The following BRD4 variants were observed in gnomAD, a reference collection of about 807,000 sequenced individuals.
BRD4 encodes bromodomain-containing protein 4.
In BRD4, 16 loss-of-function variants were observed where a neutral mutation model predicts 142.1. The observed-to-expected ratio is 0.11, with a 90% CI of 0.08 to 0.17. The LOEUF is 0.17. Among genes scored for constraint, BRD4 ranks in the 10% least tolerant of loss-of-function variants. The pLI, the probability that BRD4 is intolerant of heterozygous loss-of-function variation, is 1.00. For missense variants in BRD4, 1,424 were observed against 1,810.9 expected, an observed-to-expected ratio of 0.79 and a Z score of 3.88; for synonymous variants, 833 against 707.5, an observed-to-expected ratio of 1.18 and a Z score of -2.82.
intron 1 of BRD4, among the ~76,000 whole-genome samples, chr19:15,307,761 G>A (rs1364893746): frequency 2.0e-5 from 3 of 152,088 alleles, no homozygotes; most frequent in African/African-American, 7.2e-5. Flanking sequence ...CACTACGTTT[G>A]GCATCAGTGT....
chr19:15,314,025 G>A (rs2047996265), intron 1 of BRD4, among the ~76,000 whole-genome samples: 3 of 152,150 alleles, frequency 2.0e-5, no homozygotes, highest in South Asian at 2.1e-4. Context: ...CTGAACCATC[G>A]ATAGGGGATA....
intron 1 of BRD4, among the ~76,000 whole-genome samples, chr19:15,324,399 A>G (rs2048090485): frequency 1.3e-5 from 2 of 152,348 alleles, no homozygotes; most frequent in East Asian, 1.9e-4. Context: ...CCGGATCCCA[A>G]TGACGCCTAG....
rs1218250121 is a variant in BRD4 at position 15,272,731 on chromosome 19, TC to T, written c.285+83del. The T allele has an allele frequency of 2.5e-5, 33 of 1,330,098 alleles. 1 individual carries two copies. Among genetic ancestry groups the T allele is most frequent in the African/African-American group, 1.6e-4 (11 of 68,444 alleles). 82.4% of individuals were successfully genotyped at this position (1,330,098 alleles called of 1,614,324 possible). ...ATGATTCCAAATGCATCTCCTACCC[TC>T]CCCCCAGGAACTGCCCTGACCAGGA... On this transcript the variant is annotated intron_variant, in intron 2 of 19. Coordinates refer to ENST00000679869, the MANE Select transcript of BRD4 (RefSeq NM_001379291.1).
rs1330924461 is a variant in BRD4 at position 15,265,637 on chromosome 19, G to A, written c.566C>T (p.Ala189Val). 1.2e-6 allele frequency: 2 copies of A among 1,613,994 alleles called. No individual in the cohort carries two copies. The highest frequency in any genetic ancestry group is 2.7e-5 in the African/African-American group (2 of 74,888). Residue 189 changes from alanine to valine, a missense_variant, in exon 5 of 20, where the codon GCA becomes GTA. Physicochemically the swap from Ala to Val is moderately conservative, Grantham distance 64 (BLOSUM62 0). Around this residue, in one of 16 missense-constraint regions of BRD4, gnomAD observed 140 missense variants for 131.7 expected, o/e 1.06. Coordinates refer to ENST00000679869, the MANE Select transcript of BRD4 (RefSeq NM_001379291.1). ...RGRGRKETGT[A>V]KPGVSTVPNT... is the part of the protein sequence containing the mutation. ...TGGTACCGTGGAAACGCCAGGTTTT[G>A]CTGTCCCTACAAATCATAATAAGAC... is the stretch of plus-strand genomic sequence containing the variant.
intron 10 of BRD4, 52 bp from the exon 11 acceptor site, chr19:15,254,314 C>G (rs559528750): frequency 1.5e-5 from 22 of 1,483,660 alleles, no homozygotes; most frequent in Admixed American, 3.4e-5. Context: ...CCCAGGAAGC[C>G]GCTCTAAGCC....
In BRD4 at chr19:15,239,776, C is replaced by G; in HGVS notation, c.3328G>C (p.Val1110Leu). 2 of 1,612,230 alleles carry G rather than the reference C, an allele frequency of 1.2e-6. No individual in the cohort carries two copies. The highest frequency in any genetic ancestry group is 1.7e-6 in the Non-Finnish European group (2 of 1,179,762). The change falls in exon 16 of 20, where the codon GTG (valine) becomes CTG (leucine). Residue 1110 changes from valine (V) to leucine (L), a missense_variant. By Grantham distance (32) the Val-to-Leu change is conservative. This residue lies in a region of BRD4 where 598 missense variants were observed against 647.8 expected (regional missense o/e 0.92). Coordinates refer to ENST00000679869, the MANE Select transcript of BRD4 (RefSeq NM_001379291.1). The surrounding 1 kb of genome is among the most constrained non-coding windows in gnomAD (Gnocchi z 7.4). ...GGTGAGTGGATCTTCTCCTCCTTCACCACCACGAGGGGCTGGGGCTGGACC... is the reference window on the plus strand; with the variant it reads ...GGTGAGTGGATCTTCTCCTCCTTCAGCACCACGAGGGGCTGGGGCTGGACC... ...SVVQPQPLVV[V>L]KEEKIHSPII...
intron 1 of BRD4, among the ~76,000 whole-genome samples, chr19:15,315,250 CCTT>C: frequency 6.6e-6 from 1 of 152,034 alleles, no homozygotes; most frequent in Non-Finnish European, 1.5e-5. Context: ...AAAGTAAAAT[CCTT>C]CAGGGCACAC....
At chr19:15,310,516 A>G (rs2047960708) in intron 1 of BRD4, among the ~76,000 whole-genome samples, 1 of 151,604 alleles carries the variant, frequency 6.6e-6, no homozygotes, top group South Asian at 2.1e-4. Flanking sequence ...GCCCACCACC[A>G]CGCCTGGCTA....
intron 1 of BRD4, among the ~76,000 whole-genome samples, chr19:15,330,617 A>C (rs1465823104): frequency 2.6e-5 from 4 of 152,066 alleles, no homozygotes; most frequent in Admixed American, 2.6e-4. Context: ...AAATGCAAAA[A>C]TTAGCTAGAT....
intron 14 of BRD4, among the ~76,000 whole-genome samples, chr19:15,241,098 A>G (rs895419702): frequency 6.6e-6 from 1 of 152,146 alleles, no homozygotes; most frequent in Admixed American, 6.5e-5. Flanking sequence ...TGGAGCCCAC[A>G]TGGTGGCCAG....
intron 10 of BRD4, 118 bp downstream of exon 10, chr19:15,255,179 A>T (rs1386744666): frequency 3.1e-5 from 31 of 1,009,020 alleles, no homozygotes. Flanking sequence ...GAACACAGAT[A>T]TTATAATTGG....
At chr19:15,295,177 C>T (rs1427653929) in intron 1 of BRD4, among the ~76,000 whole-genome samples, 1 of 152,168 alleles carries the variant, frequency 6.6e-6, no homozygotes, top group Admixed American at 6.5e-5. Context: ...GGGGGTGCCA[C>T]GGTGTGTGTC....
At position 15,319,707 on chromosome 19, in the gene BRD4, G is replaced by A. The variant is rs147065867; in HGVS notation, c.-35+12583C>T. Reference sequence around the variant, plus strand: ...AGCACTTTAGGAGGCCTAAGCAGATGAACTGCTTAAGCCCAGGACTCCAGA... The same window carrying A: ...AGCACTTTAGGAGGCCTAAGCAGATAAACTGCTTAAGCCCAGGACTCCAGA... On this transcript the variant is annotated intron_variant, in intron 1 of 19. Coordinates refer to ENST00000679869, the MANE Select transcript of BRD4 (RefSeq NM_001379291.1). 3.0e-3 allele frequency among the ~76,000 whole-genome samples: 456 copies of A among 152,228 alleles called. 3 individuals carry two copies. Among genetic ancestry groups the A allele is most frequent in the African/African-American group, 0.011 (442 of 41,542 alleles).
In BRD4 at chr19:15,257,038, AGCTATC is replaced by A; in HGVS notation, c.1471_1476del (p.Asp491_Ser492del). 6.3e-7 allele frequency: 1 copy of A among 1,598,620 alleles called. No homozygotes were observed. Among genetic ancestry groups the A allele is most frequent in the East Asian group, 2.3e-5 (1 of 44,308 alleles). On this transcript the variant is annotated inframe_deletion, in exon 8 of 20. Coordinates refer to ENST00000679869, the MANE Select transcript of BRD4 (RefSeq NM_001379291.1). ...TCAGTCGAACTGTCACTGTCCGAGG[AGCTATC>A]GCTGCTGCTGTCGCTGGATGAGGGC...
At chr19:15,256,748 T>C (rs183923529) in intron 8 of BRD4, among the ~76,000 whole-genome samples, 2 of 152,192 alleles carry the variant, frequency 1.3e-5, no homozygotes, top group East Asian at 3.9e-4. Flanking sequence ...GCCATGTCCC[T>C]CCCCATCCCC....
At chr19:15,284,880 T>A (rs2145654688) in intron 1 of BRD4, among the ~76,000 whole-genome samples, 1 of 152,364 alleles carries the variant, frequency 6.6e-6, no homozygotes, top group Admixed American at 6.5e-5. Context: ...TGTTTGCCCC[T>A]AATTCCACCT....
chr19:15,281,586 C>G (rs747531693), intron 1 of BRD4, among the ~76,000 whole-genome samples: 1 of 152,184 alleles, frequency 6.6e-6, no homozygotes, highest in African/African-American at 2.4e-5. Context: ...GGCTCAGGTA[C>G]AGTGAAAGGA....
chr19:15,300,589 T>C (rs992639963), intron 1 of BRD4, among the ~76,000 whole-genome samples: 34 of 150,736 alleles, frequency 2.3e-4, no homozygotes, highest in Admixed American at 8.0e-4. Flanking sequence ...AACAAAACCA[T>C]GTGTGGGGTA....
intron 1 of BRD4, among the ~76,000 whole-genome samples, chr19:15,302,982 TG>T (rs2047883760): frequency 7.5e-6 from 1 of 133,822 alleles, no homozygotes; most frequent in Admixed American, 8.6e-5. Flanking sequence ...CACTCCAGCC[TG>T]GGCCACAGAG....
Sources: allele counts gnomAD v4.1 joint callset (sites outside exome capture counted in the v4.1 genomes callset), GRCh38; gene constraint gnomAD v4.1.1; regional missense constraint gnomAD v4.1.1; non-coding constraint Gnocchi (gnomAD v3.1); transcripts MANE v1.5; gene names NCBI Gene and HGNC (gene_info 2026-07-23, HGNC 2026-07-21).